The following KCNN2 variants were observed in gnomAD, a reference collection of about 807,000 sequenced individuals.
KCNN2 encodes potassium calcium-activated channel subfamily N member 2.
In KCNN2, 24 loss-of-function variants were observed where a neutral mutation model predicts 55.5. That is an observed-to-expected ratio of 0.43 (90% CI 0.31 to 0.61). The LOEUF is 0.61. Among genes scored for constraint, KCNN2 ranks in the 20% least tolerant of loss-of-function variants. The pLI is 0.08. For synonymous variants in KCNN2, 431 were observed against 336.1 expected (o/e 1.28, Z -3.09); for missense variants, 754 against 853.6 (o/e 0.88, Z 1.45).
intron 1 of KCNN2, among the ~76,000 whole-genome samples, chr5:114,220,714 A>T (rs1390843315): frequency 6.6e-6 from 1 of 151,856 alleles, no homozygotes; most frequent in African/African-American, 2.4e-5. Context: ...ACACAGAGCA[A>T]AACACTGAGG....
At chr5:114,387,509 G>A (rs569025983) in intron 2 of KCNN2, among the ~76,000 whole-genome samples, 1 of 147,670 alleles carries the variant, frequency 6.8e-6, no homozygotes, top group African/African-American at 2.6e-5. Flanking sequence ...GAGAGCTTCA[G>A]TTAGAAAAAA....
chr5:114,293,797 A>G (rs1321341355), intron 2 of KCNN2, among the ~76,000 whole-genome samples: 1 of 152,188 alleles, frequency 6.6e-6, no homozygotes, highest in East Asian at 1.9e-4. Flanking sequence ...CTCTGGTAGA[A>G]TTCGGCTGTG....
intron 1 of KCNN2, among the ~76,000 whole-genome samples, chr5:114,081,418 G>A (rs1437305690): frequency 6.6e-6 from 1 of 152,294 alleles, no homozygotes; most frequent in East Asian, 1.9e-4. Flanking sequence ...TCAAAACAGT[G>A]TAGTACTGGC....
intron 2 of KCNN2, among the ~76,000 whole-genome samples, chr5:114,302,592 A>T (rs2150022929): frequency 6.6e-6 from 1 of 152,304 alleles, no homozygotes; most frequent in South Asian, 2.1e-4. Context: ...GCAAAATTTT[A>T]TTTTATTTAA....
At chr5:114,472,682 C>G (rs977603556) in intron 4 of KCNN2, among the ~76,000 whole-genome samples, 4 of 152,070 alleles carry the variant, frequency 2.6e-5, no homozygotes, top group Non-Finnish European at 5.9e-5. Context: ...TTATTTCTAC[C>G]CCATATACAT....
At chr5:114,064,618 C>A (rs775912775) in intron 1 of KCNN2, among the ~76,000 whole-genome samples, 2 of 152,174 alleles carry the variant, frequency 1.3e-5, no homozygotes, top group Non-Finnish European at 2.9e-5. Context: ...CAGGAAAGGT[C>A]TTTCTCCATT....
chr5:114,382,217 C>T (rs533383993), intron 2 of KCNN2, among the ~76,000 whole-genome samples: 18 of 152,252 alleles, frequency 1.2e-4, no homozygotes, highest in Middle Eastern at 6.8e-3. Flanking sequence ...CAGTGCAATC[C>T]TTGCCTTCAA....
chr5:114,210,507 AAGT>A (rs1753861729), intron 1 of KCNN2, among the ~76,000 whole-genome samples: 1 of 152,182 alleles, frequency 6.6e-6, no homozygotes, highest in Non-Finnish European at 1.5e-5. Context: ...AAGCTTGTAA[AAGT>A]AGTCTTTATG....
chr5:114,260,360 A>T (rs1382448431), intron 2 of KCNN2, among the ~76,000 whole-genome samples: 48 of 152,160 alleles, frequency 3.2e-4, no homozygotes, highest in African/African-American at 1.2e-3. Context: ...ATTGCTCTAT[A>T]CCTCAGCCTC....
At chr5:114,308,926 T>C (rs2150025248) in intron 2 of KCNN2, among the ~76,000 whole-genome samples, 2 of 152,322 alleles carry the variant, frequency 1.3e-5, no homozygotes, top group South Asian at 4.1e-4. Context: ...ATAGAAAACT[T>C]ATTTTCGTGT....
chr5:114,200,227 A>G (rs1327277646), intron 1 of KCNN2, among the ~76,000 whole-genome samples: 4 of 151,562 alleles, frequency 2.6e-5, no homozygotes, highest in Non-Finnish European at 5.9e-5. Flanking sequence ...GTCTTGCTGG[A>G]TTGTGTCAAA....
intron 2 of KCNN2, among the ~76,000 whole-genome samples, chr5:114,237,446 C>T (rs1375546588): frequency 1.3e-5 from 2 of 152,102 alleles, no homozygotes; most frequent in Non-Finnish European, 2.9e-5. Context: ...AAGCCATGTC[C>T]TGCAAGTGGC....
chr5:114,405,467 A>T (rs1580797326), intron 3 of KCNN2, among the ~76,000 whole-genome samples: 1 of 152,196 alleles, frequency 6.6e-6, no homozygotes, highest in East Asian at 1.9e-4. Flanking sequence ...CTCAGATTTC[A>T]GGAGTGGCTC....
chr5:114,166,038 T>C (rs573611714), intron 1 of KCNN2, among the ~76,000 whole-genome samples: 157 of 152,156 alleles, frequency 1.0e-3, no homozygotes, highest in African/African-American at 3.5e-3. Context: ...ACATTTCTTC[T>C]TATGAAACAA....
intron 2 of KCNN2, among the ~76,000 whole-genome samples, chr5:114,290,647 A>G (rs1186211949): frequency 3.3e-5 from 5 of 151,926 alleles, no homozygotes; most frequent in Non-Finnish European, 7.4e-5. Context: ...TTCATTTTCT[A>G]GTTCCTTAAG....
chr5:114,210,164 C>G (rs1016456447), intron 1 of KCNN2, among the ~76,000 whole-genome samples: 2 of 152,032 alleles, frequency 1.3e-5, no homozygotes, highest in African/African-American at 4.8e-5. Flanking sequence ...GCTCCCAAGC[C>G]TAGTGTTCCT....
chr5:114,144,668 G>T (rs1465219691), intron 1 of KCNN2, among the ~76,000 whole-genome samples: 1 of 151,848 alleles, frequency 6.6e-6, no homozygotes, highest in Admixed American at 6.6e-5. Context: ...ATTAACACAG[G>T]TAATTATGTT....
At chr5:114,227,894 A>G (rs1049296505) in intron 2 of KCNN2, among the ~76,000 whole-genome samples, 1 of 152,156 alleles carries the variant, frequency 6.6e-6, no homozygotes, top group Non-Finnish European at 1.5e-5. Flanking sequence ...GTAGGTGAAT[A>G]TATGTTGGAA....
chr5:114,295,591 G>A (rs1755993658), intron 2 of KCNN2, among the ~76,000 whole-genome samples: 1 of 152,094 alleles, frequency 6.6e-6, no homozygotes, highest in Non-Finnish European at 1.5e-5. Flanking sequence ...GATTTTCCAG[G>A]TGCCATCTGT....
Sources: allele counts gnomAD v4.1 joint callset (sites outside exome capture counted in the v4.1 genomes callset), GRCh38; gene constraint gnomAD v4.1.1; transcripts MANE v1.5; gene names NCBI Gene and HGNC (gene_info 2026-07-23, HGNC 2026-07-21).